ACYP2: variants seen among roughly 807,000 people sequenced by gnomAD.
The protein encoded by ACYP2 is acylphosphatase-2.
ACYP2 carries 12 observed loss-of-function variants against 11.2 expected under a neutral mutation model. The ratio of observed to expected loss-of-function variants is 1.08; its 90% CI spans 0.69 to 1.74. ACYP2 has a LOEUF of 1.74. Ranked by LOEUF, ACYP2 falls within the 40% of genes most tolerant of loss-of-function variation. The pLI, the probability that ACYP2 is intolerant of heterozygous loss-of-function variation, is 0.00. For synonymous variants in ACYP2, 43 were observed against 32.2 expected (o/e 1.33, Z -1.13); for missense variants, 134 against 101.9 (o/e 1.31, Z -1.35).
intron 2 of ACYP2, among the ~76,000 whole-genome samples, chr2:54,001,989 T>C (rs1229596903): frequency 6.6e-5 from 10 of 152,358 alleles, no homozygotes; most frequent in Middle Eastern, 3.4e-3. Context: ...TTACTATTAA[T>C]GAACCTACAT....
At chr2:54,021,718 C>G (rs190846940) in intron 2 of ACYP2, among the ~76,000 whole-genome samples, 2 of 152,278 alleles carry the variant, frequency 1.3e-5, no homozygotes, top group Non-Finnish European at 2.9e-5. Context: ...TACGAATGTC[C>G]ACATAATCCA....
chr2:54,165,950 T>C (rs1178545007), intron 6 of ACYP2, among the ~76,000 whole-genome samples: 4 of 152,246 alleles, frequency 2.6e-5, no homozygotes, highest in Non-Finnish European at 1.5e-5. Flanking sequence ...GCCTGACTTG[T>C]TGCAGAAAAC....
intron 6 of ACYP2, among the ~76,000 whole-genome samples, chr2:54,212,207 A>G (rs1221016417): frequency 6.6e-6 from 1 of 152,054 alleles, no homozygotes; most frequent in Non-Finnish European, 1.5e-5. Flanking sequence ...GCTTTTATTT[A>G]TTTTGGGGGA....
At chr2:54,255,119 G>C (rs1158774248) in intron 6 of ACYP2, 1 of 1,614,144 alleles carries the variant, frequency 6.2e-7, no homozygotes, top group African/African-American at 1.3e-5. Flanking sequence ...CAGATGACAT[G>C]TCGGTTCCTA....
chr2:54,128,441 T>C lies in ACYP2; in HGVS notation c.278-7012T>C, dbSNP rs139657793. 4.6e-5 allele frequency among the ~76,000 whole-genome samples: 7 copies of C among 152,128 alleles called. No individual in the cohort carries two copies. The East Asian group carries it at 1.4e-3, about 29-fold the overall frequency. Reference sequence around the variant, plus strand: ...CCAGTGCTTTGGGAGGCTGAGGCAGTTGGATTGAGTGAAGCCAGAAGTTTG... The same window carrying C: ...CCAGTGCTTTGGGAGGCTGAGGCAGCTGGATTGAGTGAAGCCAGAAGTTTG... On this transcript the variant is annotated intron_variant, in intron 4 of 6. Transcript: ENST00000607452.
At chr2:54,134,457 T>C (rs78447233) in intron 4 of ACYP2, among the ~76,000 whole-genome samples, 14,603 of 152,264 alleles carry the variant, frequency 0.096, 830 homozygotes, top group Non-Finnish European at 0.13. Context: ...ATTTAGTCCT[T>C]ACATTTTAAG....
intron 2 of ACYP2, among the ~76,000 whole-genome samples, chr2:54,036,821 C>T (rs1396523378): frequency 6.6e-6 from 1 of 152,134 alleles, no homozygotes; most frequent in South Asian, 2.1e-4. Flanking sequence ...AGGACATTGG[C>T]GGGACTGTTT....
intron 4 of ACYP2, among the ~76,000 whole-genome samples, chr2:54,110,486 C>A (rs1455149590): frequency 3.9e-5 from 6 of 152,102 alleles, no homozygotes; most frequent in Non-Finnish European, 8.8e-5. Flanking sequence ...AGGATCCAAA[C>A]AAGGTATATG....
At chr2:53,976,773 G>A (rs1671515662) in intron 2 of ACYP2, among the ~76,000 whole-genome samples, 1 of 152,172 alleles carries the variant, frequency 6.6e-6, no homozygotes, top group African/African-American at 2.4e-5. Flanking sequence ...TAGAGTATAT[G>A]TGGAGTTCAG....
At chr2:54,007,637 A>G (rs1268138232) in intron 2 of ACYP2, among the ~76,000 whole-genome samples, 1 of 152,182 alleles carries the variant, frequency 6.6e-6, no homozygotes, top group African/African-American at 2.4e-5. Context: ...ATACTGAGGC[A>G]GGCAGATCAC....
chr2:53,994,359 A>G (rs1477705269), intron 2 of ACYP2, among the ~76,000 whole-genome samples: 1 of 150,458 alleles, frequency 6.6e-6, no homozygotes, highest in East Asian at 1.9e-4. Context: ...AAAACGAAAA[A>G]AAACAAAATA....
At chr2:54,117,430 G>T (rs1437568564) in intron 4 of ACYP2, among the ~76,000 whole-genome samples, 1 of 152,170 alleles carries the variant, frequency 6.6e-6, no homozygotes, top group East Asian at 1.9e-4. Context: ...AAGCAGCTGG[G>T]ACTACAGGCT....
Position 54,076,120 on chromosome 2 carries a change from A to G in ACYP2, c.277+18760A>G, listed in dbSNP as rs776656310. Among the ~76,000 whole-genome samples, 93 of 152,346 alleles carry G rather than the reference A, an allele frequency of 6.1e-4. 3 individuals carry two copies. Among genetic ancestry groups the G allele is most frequent in the Non-Finnish European group, 5.6e-4 (38 of 68,034 alleles). On this transcript the variant is annotated intron_variant, in intron 4 of 6. Coordinates refer to ENST00000607452, the MANE Select transcript of ACYP2 (RefSeq NM_001320586.2). ...TGAACTCTCATTTCTTTGCATAATT[A>G]CTGCTTAGTTTTTCATATGTAAAAT...
At chr2:53,997,819 T>A (rs770956508) in intron 2 of ACYP2, among the ~76,000 whole-genome samples, 4 of 152,028 alleles carry the variant, frequency 2.6e-5, no homozygotes, top group Non-Finnish European at 5.9e-5. Flanking sequence ...CAGGGTAATA[T>A]AGGAAAATAC....
chr2:54,183,366 T>G (rs553571806), intron 6 of ACYP2, among the ~76,000 whole-genome samples: 9 of 152,264 alleles, frequency 5.9e-5, no homozygotes, highest in Middle Eastern at 3.4e-3. Context: ...TCATTAAGTT[T>G]ATTATAATCA....
intron 2 of ACYP2, among the ~76,000 whole-genome samples, chr2:54,048,146 C>T (rs1028024976): frequency 2.6e-5 from 4 of 152,074 alleles, no homozygotes; most frequent in African/African-American, 9.7e-5. Flanking sequence ...TTTTTGTAGG[C>T]CAGGCGCAGT....
rs1445645673 is a variant in ACYP2, at chr2:54,281,605, A to G, written c.405-23083A>G. ...GACTCTGGTGAAACCCTTATGCTCA[A>G]TTTTTTGTGATGTGGAAGTTCCTTC... On this transcript the variant is annotated intron_variant, in intron 6 of 6. Coordinates refer to ENST00000607452, the MANE Select transcript of ACYP2 (RefSeq NM_001320586.2). Among the ~76,000 whole-genome samples the G allele has an allele frequency of 5.3e-5, 8 of 152,318 alleles. No individual in the cohort carries two copies. The East Asian group carries it at 1.5e-3, about 29-fold the overall frequency.
At chr2:54,215,279 A>G (rs997112413) in intron 6 of ACYP2, among the ~76,000 whole-genome samples, 1 of 152,146 alleles carries the variant, frequency 6.6e-6, no homozygotes, top group African/African-American at 2.4e-5. Flanking sequence ...GACTTCTAGT[A>G]CTATGTTGAA....
intron 6 of ACYP2, among the ~76,000 whole-genome samples, chr2:54,226,205 G>T (rs748491315): frequency 6.6e-6 from 1 of 152,156 alleles, no homozygotes; most frequent in Non-Finnish European, 1.5e-5. Flanking sequence ...GTCTTAAGAG[G>T]TGGAGGCAAT....
Sources: allele counts gnomAD v4.1 joint callset (sites outside exome capture counted in the v4.1 genomes callset), GRCh38; gene constraint gnomAD v4.1.1; transcripts MANE v1.5; gene names NCBI Gene and HGNC (gene_info 2026-07-23, HGNC 2026-07-21).